OTUD4: variants seen among roughly 807,000 people sequenced by gnomAD.
OTUD4 encodes OTU deubiquitinase 4, also known as OTU domain-containing protein 4.
OTUD4 carries 24 observed loss-of-function variants against 130.4 expected under a neutral mutation model. The ratio of observed to expected loss-of-function variants is 0.18; its 90% CI spans 0.13 to 0.26. The LOEUF (loss-of-function observed/expected upper bound fraction) is 0.26. OTUD4 is among the 10% of genes least tolerant of loss of function. OTUD4 has a pLI of 1.00. For synonymous variants in OTUD4, 420 were observed against 472.5 expected, an observed-to-expected ratio of 0.89 and a Z score of 1.44; for missense variants, 1,031 against 1,329.4, an observed-to-expected ratio of 0.78 and a Z score of 3.49.
At chr4:145,158,810 T>G (rs1424815953) in intron 7 of OTUD4, among the ~76,000 whole-genome samples, 1 of 152,232 alleles carries the variant, frequency 6.6e-6, no homozygotes, top group African/African-American at 2.4e-5. Context: ...TCAGATTGAA[T>G]CTCATGAATT....
At chr4:145,154,033 T>A (rs574512512) in intron 10 of OTUD4, among the ~76,000 whole-genome samples, 2 of 152,352 alleles carry the variant, frequency 1.3e-5, no homozygotes, top group East Asian at 3.9e-4. Flanking sequence ...TGCTTTACCA[T>A]CTACTTTATC....
At chr4:145,143,303 T>C (rs560309018) in intron 17 of OTUD4, 62 bp downstream of exon 17, 2 of 1,035,796 alleles carry the variant, frequency 1.9e-6, no homozygotes, top group Admixed American at 1.8e-5. Context: ...AATGACCCTA[T>C]ACACAGAGCA....
intron 3 of OTUD4, among the ~76,000 whole-genome samples, chr4:145,169,381 C>A (rs938863356): frequency 6.6e-6 from 1 of 152,304 alleles, no homozygotes; most frequent in South Asian, 2.1e-4. Flanking sequence ...GATAAAGATG[C>A]TTTCTCTGAG....
At chr4:145,142,418 T>G in intron 17 of OTUD4, 84 bp from the exon 18 acceptor site, 1 of 1,189,508 alleles carries the variant, frequency 8.4e-7, no homozygotes, top group Non-Finnish European at 1.2e-6. Flanking sequence ...ACCAGATACA[T>G]ATTGAGTTGC....
intron 19 of OTUD4, among the ~76,000 whole-genome samples, chr4:145,140,446 A>C (rs1270158668): frequency 1.3e-5 from 2 of 152,196 alleles, no homozygotes; most frequent in Non-Finnish European, 2.9e-5. Flanking sequence ...ATAGACACAA[A>C]CATCAAACTA....
At chr4:145,144,510 C>T in intron 14 of OTUD4, 76 bp from the exon 15 acceptor site, 1 of 1,381,642 alleles carries the variant, frequency 7.2e-7, no homozygotes, top group South Asian at 1.2e-5. Flanking sequence ...TGTAATTAAT[C>T]TCACTCTTCA....
intron 3 of OTUD4, among the ~76,000 whole-genome samples, chr4:145,169,847 G>A (rs1466490910): frequency 1.3e-5 from 2 of 152,212 alleles, no homozygotes; most frequent in Non-Finnish European, 2.9e-5. Context: ...ACTGTCAGAA[G>A]ATGCCATCCA....
rs375841967 is a variant in OTUD4 at position 145,171,674 on chromosome 4, G to T, written c.290C>A (p.Pro97Gln). ...FEEYLKRLEN[P>Q]QEWVGQVEIS... ...TACTAGAAGACTGTGACATACCTGT[G>T]GATTTTCCAAACGCTTTAAATATTC... The change falls in exon 3 of 21, where the codon CCA becomes CAA. Residue 97 changes from proline (P) to glutamine (Q), a missense_variant. By Grantham distance (76) the Pro-to-Gln change is moderately conservative. Around this residue, in one of 3 missense-constraint regions of OTUD4, gnomAD observed 77 missense variants for 172.9 expected, o/e 0.45. Coordinates refer to ENST00000447906, the MANE Select transcript of OTUD4 (RefSeq NM_001366057.1). 3.1e-6 allele frequency: 4 copies of T among 1,310,018 alleles called. No individual in the cohort carries two copies. Among genetic ancestry groups the T allele is most frequent in the African/African-American group, 1.5e-5 (1 of 68,872 alleles). 81.1% of individuals were successfully genotyped at this position (1,310,018 alleles called of 1,614,324 possible).
intron 3 of OTUD4, chr4:145,170,978 C>T (rs980615063): frequency 1.3e-5 from 2 of 152,130 alleles, no homozygotes; most frequent in Non-Finnish European, 2.9e-5. Context: ...TCCCTCTTCA[C>T]GAGATGATCA....
chr4:145,144,583 C>T lies in OTUD4; in HGVS notation c.1423-149G>A, dbSNP rs36226330. 6.2e-3 allele frequency: 4,320 copies of T among 698,842 alleles called. 21 individuals carry two copies. The highest frequency in any genetic ancestry group is 8.0e-3 in the Non-Finnish European group (3,346 of 419,642). 43.3% of individuals were successfully genotyped at this position (698,842 alleles called of 1,614,324 possible). On this transcript the variant is annotated intron_variant, in intron 14 of 20. Transcript: ENST00000447906. Reference sequence around the variant, plus strand: ...TAACTGAAACTAAAGAAGATAGAATCTAGGGTCCATAATTAATTATACACC... The same window carrying T: ...TAACTGAAACTAAAGAAGATAGAATTTAGGGTCCATAATTAATTATACACC...
rs544676319 is a variant in OTUD4, at chr4:145,137,283, G to C, written c.*147C>G. 1.6e-5 allele frequency: 10 copies of C among 640,196 alleles called. No homozygotes were observed. Among genetic ancestry groups the C allele is most frequent in the Non-Finnish European group, 2.7e-5 (10 of 372,518 alleles). The allele number at this position is 640,196 out of a possible 1,614,324, so 39.7% of individuals were successfully genotyped here. On this transcript the variant is annotated 3_prime_UTR_variant, in exon 21 of 21. Transcript: ENST00000447906. ...GCCCCCTTGAACTCATGTCCAAAAT[G>C]TCTTGTCCAGTATGGGAGTGAAGGT...
chr4:145,165,271 C>T, intron 3 of OTUD4, 74 bp from the exon 4 acceptor site: 1 of 883,130 alleles, frequency 1.1e-6, no homozygotes, highest in Admixed American at 2.0e-5. Context: ...TCTATACATA[C>T]CTTCATACAG....
intron 4 of OTUD4, 41 bp downstream of exon 4, chr4:145,165,110 C>T: frequency 8.9e-7 from 1 of 1,125,442 alleles, no homozygotes; most frequent in Non-Finnish European, 1.3e-6. Flanking sequence ...TAATTTCCCA[C>T]TGGTTTCATT....
At chr4:145,175,942 C>T (rs1752399308) in intron 1 of OTUD4, among the ~76,000 whole-genome samples, 1 of 152,142 alleles carries the variant, frequency 6.6e-6, no homozygotes. Context: ...TCTCAGCTCA[C>T]CGCAACCTCC....
Position 145,180,349 on chromosome 4 carries a change from C to G in OTUD4, c.-376G>C, listed in dbSNP as rs1210662372. On this transcript the variant is annotated 5_prime_UTR_variant, in exon 1 of 21. Coordinates refer to ENST00000447906, the MANE Select transcript of OTUD4 (RefSeq NM_001366057.1). ...TTTCCTCCTCCGTACCGGTGTGAAG[C>G]GAGAAAACCCCCGCCCCTGGCGCGC... is the stretch of plus-strand genomic sequence containing the variant. 2.0e-5 allele frequency among the ~76,000 whole-genome samples: 3 copies of G among 152,146 alleles called. No homozygotes were observed. The highest frequency in any genetic ancestry group is 2.0e-4 in the Admixed American group (3 of 15,282).
At chr4:145,153,048 C>A (rs1286012206) in intron 10 of OTUD4, among the ~76,000 whole-genome samples, 2 of 152,052 alleles carry the variant, frequency 1.3e-5, no homozygotes, top group Non-Finnish European at 1.5e-5. Flanking sequence ...AAAATTTAGT[C>A]TTTAATTAAA....
chr4:145,167,022 C>A (rs995284372), intron 3 of OTUD4, among the ~76,000 whole-genome samples: 2 of 152,048 alleles, frequency 1.3e-5, no homozygotes, highest in Admixed American at 1.3e-4. Context: ...CATGTGCACA[C>A]ATAGAAAGGG....
chr4:145,142,617 G>A (rs911633879), intron 17 of OTUD4, among the ~76,000 whole-genome samples: 8 of 152,186 alleles, frequency 5.3e-5, no homozygotes, highest in Admixed American at 3.9e-4. Flanking sequence ...AAACTCTTGG[G>A]CTCAAGCGAT....
chr4:145,146,734 G>A (rs779828874), intron 13 of OTUD4, among the ~76,000 whole-genome samples: 91 of 152,194 alleles, frequency 6.0e-4, no homozygotes, highest in Non-Finnish European at 1.0e-3. Context: ...ATTTCCAAAT[G>A]ATACAAAAAT....
Sources: gnomAD v4.1 joint callset for allele counts (sites outside exome capture counted in the v4.1 genomes callset) on GRCh38, gnomAD v4.1.1 for gene constraint, gnomAD v4.1.1 regional missense constraint, MANE v1.5 for transcripts, NCBI Gene and HGNC (gene_info 2026-07-23, HGNC 2026-07-21) for gene names.